PDE12: variants seen among roughly 807,000 people sequenced by gnomAD.
PDE12 encodes phosphodiesterase 12.
Under a neutral mutation model 45.4 loss-of-function variants are expected in PDE12, and 26 were observed. The ratio of observed to expected loss-of-function variants is 0.57; its 90% confidence interval spans 0.42 to 0.79. PDE12 has a LOEUF of 0.79. Ranked by LOEUF, PDE12 falls within the 30% of genes least tolerant of loss-of-function variation. The probability of loss-of-function intolerance (pLI) is 0.00; values close to 1 mark genes in which losing one functional copy is unlikely to be tolerated. For synonymous variants in PDE12, 283 were observed against 323.9 expected, an observed-to-expected ratio of 0.87 and a Z score of 1.36; for missense variants, 668 against 790.0, an observed-to-expected ratio of 0.85 and a Z score of 1.85.
chr3:57,632,004 G>A, the PDE12 span, among the ~76,000 whole-genome samples: 62 of 140,604 alleles, frequency 4.4e-4, no homozygotes, highest in Non-Finnish European at 7.6e-4. Context: ...TTACAGGCGT[G>A]AGCCACCGCG....
the PDE12 span, chr3:57,641,621 A>T: frequency 6.3e-7 from 1 of 1,576,748 alleles, no homozygotes; most frequent in South Asian, 1.2e-5. Context: ...AACACTGCAC[A>T]CTAGAAACAG....
chr3:57,610,991 C>T, the PDE12 span, among the ~76,000 whole-genome samples: 12 of 152,222 alleles, frequency 7.9e-5, no homozygotes, highest in African/African-American at 2.6e-4. Context: ...AACTATATTA[C>T]AAGGCTACAG....
At chr3:57,596,742 G>A in the PDE12 span, 1 of 293,550 alleles carries the variant, frequency 3.4e-6, no homozygotes, top group Middle Eastern at 1.1e-3. Context: ...CCCCAGAAAG[G>A]GCCTCGCCAA....
rs1324567685 is a variant in PDE12, at chr3:57,557,652, CAGG to C, written c.1276_1278del (p.Glu426del). On this transcript the variant is annotated inframe_deletion, in exon 1 of 3. Coordinates refer to ENST00000311180, the MANE Select transcript of PDE12 (RefSeq NM_177966.7). ...GAAACTAGTTTTGTACCCATCAGCG[CAGG>C]AGAAGGTGCTCCAGAGATCTTCTGT... The C allele has an allele frequency of 1.2e-6, 2 of 1,613,974 alleles. No individual in the cohort carries two copies. The highest frequency in any genetic ancestry group is 2.7e-5 in the African/African-American group (2 of 74,930).
At chr3:57,654,934 A>C in the PDE12 span, 24 of 321,230 alleles carry the variant, frequency 7.5e-5, no homozygotes, top group African/African-American at 5.4e-4. Flanking sequence ...GTCACAAATA[A>C]AGCATTAATC....
At chr3:57,558,129 T>TA (rs1316958298) in intron 1 of PDE12, among the ~76,000 whole-genome samples, 1 of 152,216 alleles carries the variant, frequency 6.6e-6, no homozygotes, top group Non-Finnish European at 1.5e-5. Context: ...GTAAGTCCCC[T>TA]ATTCCCATTT....
the PDE12 span, among the ~76,000 whole-genome samples, chr3:57,579,968 G>A: frequency 1.3e-5 from 2 of 151,998 alleles, no homozygotes; most frequent in African/African-American, 2.4e-5. Flanking sequence ...GGGCATGGTG[G>A]CACATGTCTA....
the PDE12 span, among the ~76,000 whole-genome samples, chr3:57,579,253 CA>C: frequency 2.1e-5 from 1 of 47,600 alleles, no homozygotes; most frequent in Non-Finnish European, 3.5e-5. Flanking sequence ...AACTACATCT[CA>C]AAAAAAAAAA....
At position 57,557,018 on chromosome 3, in the gene PDE12, C is replaced by G. The variant is rs747924569; in HGVS notation, c.639C>G (p.Pro213=). 7 of 1,614,132 alleles carry G rather than the reference C, an allele frequency of 4.3e-6. No individual in the cohort carries two copies. The East Asian group carries it at 1.3e-4, about 31-fold the overall frequency. The part of the protein sequence containing the change: ...PGAAEPEVGV[P]SSLSPSSPSS... ...CGGCGGAGCCCGAGGTCGGTGTCCC[C>G]TCGTCATTGTCTCCCTCCTCACCTT... is the stretch of plus-strand genomic sequence containing the variant. The change falls in exon 1 of 3, where the codon CCC becomes CCG. Residue 213 remains proline, a synonymous_variant. Transcript: ENST00000311180.
the PDE12 span, chr3:57,646,436 C>A: frequency 1.7e-5 from 28 of 1,612,432 alleles, no homozygotes; most frequent in Non-Finnish European, 2.1e-5. Context: ...TGGGCAGAAA[C>A]ACCTGAAAGG....
At chr3:57,619,888 AG>A in the PDE12 span, among the ~76,000 whole-genome samples, 1 of 151,496 alleles carries the variant, frequency 6.6e-6, no homozygotes, top group Non-Finnish European at 1.5e-5. Flanking sequence ...AATAAAAAAA[AG>A]AACATCTATA....
At chr3:57,644,648 C>A in the PDE12 span, among the ~76,000 whole-genome samples, 2 of 120,568 alleles carry the variant, frequency 1.7e-5, no homozygotes, top group Non-Finnish European at 3.5e-5. Context: ...GTAAATGTTA[C>A]AAGAAAGAAG....
At chr3:57,587,319 C>CAAAAAAAAAAAAAAAAAAAAAAAATA in the PDE12 span, among the ~76,000 whole-genome samples, 1 of 45,402 alleles carries the variant, frequency 2.2e-5, no homozygotes, top group Non-Finnish European at 4.7e-5. Context: ...AACTCAGTCT[C>CAAAAAAAAAAAAAAAAAAAAAAAATA]AAAAAAAAAA....
Position 57,559,363 on chromosome 3 carries a change from T to C in PDE12, c.1362T>C (p.Asn454=). ...KDSSKRICVA[N]THLYWHPKGG... ...CTTCTAAAAGGATATGTGTTGCTAA[T>C]ACCCATCTTTACTGGCATCCTAAAG... is the stretch of plus-strand genomic sequence containing the variant. Residue 454 remains asparagine (N), a synonymous_variant, in exon 2 of 3, where the codon AAT becomes AAC. Transcript: ENST00000311180. 6.2e-7 allele frequency: 1 copy of C among 1,611,866 alleles called. No homozygotes were observed. The highest frequency in any genetic ancestry group is 8.5e-7 in the Non-Finnish European group (1 of 1,177,950).
the PDE12 span, among the ~76,000 whole-genome samples, chr3:57,646,699 C>T: frequency 1.3e-5 from 2 of 152,072 alleles, no homozygotes; most frequent in East Asian, 3.8e-4. Context: ...GAATAACTGA[C>T]AATAAAAGCA....
At chr3:57,606,316 A>G in the PDE12 span, among the ~76,000 whole-genome samples, 1 of 152,212 alleles carries the variant, frequency 6.6e-6, no homozygotes, top group African/African-American at 2.4e-5. Context: ...ATTGCAGACA[A>G]GAAGTGGAGT....
the PDE12 span, chr3:57,631,142 T>G: frequency 1.7e-6 from 1 of 601,740 alleles, no homozygotes; most frequent in Non-Finnish European, 2.9e-6. Context: ...TAGACTGACT[T>G]GGGAAGTCAG....
At chr3:57,558,597 T>C (rs1010038818) in intron 1 of PDE12, among the ~76,000 whole-genome samples, 4 of 152,108 alleles carry the variant, frequency 2.6e-5, no homozygotes, top group African/African-American at 7.2e-5. Flanking sequence ...TTCAAGCGAT[T>C]CTCCTGCCTC....
the PDE12 span, among the ~76,000 whole-genome samples, chr3:57,587,727 A>T: frequency 6.6e-6 from 1 of 152,148 alleles, no homozygotes; most frequent in African/African-American, 2.4e-5. Context: ...AAATCATGCA[A>T]CCATTTCTAG....
Sources: gnomAD v4.1 joint callset for allele counts (sites outside exome capture counted in the v4.1 genomes callset) on GRCh38, gnomAD v4.1.1 for gene constraint, MANE v1.5 for transcripts, NCBI Gene and HGNC (gene_info 2026-07-23, HGNC 2026-07-21) for gene names.